CDH18: variants seen among roughly 807,000 people sequenced by gnomAD.
CDH18 encodes cadherin-18.
A neutral mutation model predicts 67.9 loss-of-function variants in CDH18; 31 were observed. The observed-to-expected ratio is 0.46, with a 90% CI of 0.34 to 0.62. CDH18 has a LOEUF of 0.62. Ranked by LOEUF, CDH18 falls within the 20% of genes least tolerant of loss-of-function variation. The probability of loss-of-function intolerance (pLI) is 0.01; values close to 1 mark genes in which losing one functional copy is unlikely to be tolerated. For missense variants in CDH18, 890 were observed against 975.5 expected (o/e 0.91, Z 1.17); for synonymous variants, 362 against 347.2 (o/e 1.04, Z -0.48).
chr5:20,559,561 T>C (rs565049799), intron 1 of CDH18, among the ~76,000 whole-genome samples: 1 of 152,234 alleles, frequency 6.6e-6, no homozygotes, highest in South Asian at 2.1e-4. Flanking sequence ...TCACGGGACT[T>C]AGTATGCGCT....
At chr5:20,144,054 T>G (rs2126536658) in intron 2 of CDH18, among the ~76,000 whole-genome samples, 1 of 152,266 alleles carries the variant, frequency 6.6e-6, no homozygotes, top group South Asian at 2.1e-4. Context: ...AAACGCTGCC[T>G]GCCTGGACTG....
chr5:20,396,712 T>C (rs1285282614), intron 1 of CDH18, among the ~76,000 whole-genome samples: 8 of 152,180 alleles, frequency 5.3e-5, no homozygotes, highest in Non-Finnish European at 1.0e-4. Context: ...TCTATTAAAA[T>C]CAAAACTGAA....
At chr5:19,587,936 G>A (rs754420381) in intron 7 of CDH18, among the ~76,000 whole-genome samples, 7 of 151,728 alleles carry the variant, frequency 4.6e-5, no homozygotes, top group South Asian at 2.1e-4. Context: ...AATTTTTTTC[G>A]TTTGTTTCTG....
intron 3 of CDH18, among the ~76,000 whole-genome samples, chr5:19,810,225 G>A (rs1278479525): frequency 6.6e-6 from 1 of 152,076 alleles, no homozygotes; most frequent in African/African-American, 2.4e-5. Context: ...AGCTACTCGG[G>A]AGGACTGAGG....
At chr5:19,718,326 C>A (rs1455191466) in intron 5 of CDH18, among the ~76,000 whole-genome samples, 3 of 151,916 alleles carry the variant, frequency 2.0e-5, no homozygotes, top group African/African-American at 7.2e-5. Context: ...TGCAGTCATA[C>A]TAATTAGGGG....
intron 2 of CDH18, among the ~76,000 whole-genome samples, chr5:20,206,962 T>C (rs1366543401): frequency 1.3e-5 from 2 of 152,018 alleles, no homozygotes; most frequent in African/African-American, 2.4e-5. Context: ...ATCTCTACTT[T>C]TATTCAATGT....
At chr5:20,267,081 G>T (rs1745098555) in intron 1 of CDH18, among the ~76,000 whole-genome samples, 1 of 152,162 alleles carries the variant, frequency 6.6e-6, no homozygotes, top group African/African-American at 2.4e-5. Context: ...AAATAAGGCA[G>T]TATTCATGGT....
intron 2 of CDH18, among the ~76,000 whole-genome samples, chr5:19,924,854 G>A (rs2150180130): frequency 6.6e-6 from 1 of 152,114 alleles, no homozygotes; most frequent in African/African-American, 2.4e-5. Flanking sequence ...AACTCTTTAG[G>A]TGGAATTAAG....
At chr5:19,672,004 T>C (rs962502348) in intron 5 of CDH18, among the ~76,000 whole-genome samples, 3 of 152,152 alleles carry the variant, frequency 2.0e-5, no homozygotes, top group African/African-American at 7.2e-5. Context: ...TATTATTTCA[T>C]GGTATAAACT....
At chr5:19,564,974 G>A (rs1471684934) in intron 8 of CDH18, among the ~76,000 whole-genome samples, 1 of 151,954 alleles carries the variant, frequency 6.6e-6, no homozygotes, top group Non-Finnish European at 1.5e-5. Flanking sequence ...GAAGAGGGAA[G>A]AGCGGGAAGA....
In CDH18 at chr5:19,849,743, C is replaced by CAT. The variant is rs70954613; in HGVS notation, c.-256-10503_-256-10502dup. Among the ~76,000 whole-genome samples, 4 of 54,204 alleles carry CAT rather than the reference C, an allele frequency of 7.4e-5. 1 individual carries two copies. Among genetic ancestry groups the CAT allele is most frequent in the East Asian group, 9.2e-4 (2 of 2,176 alleles). 35.6% of individuals were successfully genotyped at this position (54,204 alleles called of 152,430 possible). ...ATATATATACACGCATATATATAAA[C>CAT]ATATATATACACGCATATATATAAA... On this transcript the variant is annotated intron_variant, in intron 2 of 12. Coordinates refer to ENST00000382275, the MANE Select transcript of CDH18 (RefSeq NM_004934.5).
At chr5:19,542,340 G>A (rs1246376029) in intron 9 of CDH18, among the ~76,000 whole-genome samples, 1 of 152,154 alleles carries the variant, frequency 6.6e-6, no homozygotes, top group African/African-American at 2.4e-5. Context: ...GTAAAACAGT[G>A]CATCCACATT....
intron 8 of CDH18, among the ~76,000 whole-genome samples, chr5:19,552,149 C>A (rs143701889): frequency 0.055 from 8,296 of 152,114 alleles, 349 homozygotes; most frequent in Middle Eastern, 0.078. Flanking sequence ...TTTATAGATT[C>A]TTAATGTCAT....
chr5:19,510,808 T>C (rs1219914256), intron 10 of CDH18, among the ~76,000 whole-genome samples: 1 of 124,692 alleles, frequency 8.0e-6, no homozygotes, highest in Non-Finnish European at 1.7e-5. Flanking sequence ...TCTCAGGAGA[T>C]CTGATTTTTT....
intron 1 of CDH18, among the ~76,000 whole-genome samples, chr5:20,423,946 CAAAAAAAA>C (rs553723574): frequency 0.3 from 19,189 of 63,624 alleles, 1,206 homozygotes; most frequent in East Asian, 0.44. Context: ...GACTCCGTCT[CAAAAAAAA>C]AAAAAAAAAA....
chr5:20,074,635 T>C (rs1743765432), intron 2 of CDH18, among the ~76,000 whole-genome samples: 2 of 152,142 alleles, frequency 1.3e-5, no homozygotes, highest in African/African-American at 4.8e-5. Context: ...GATCATTACA[T>C]GCGTGTTTTC....
intron 2 of CDH18, among the ~76,000 whole-genome samples, chr5:19,997,374 T>A (rs1444354958): frequency 6.6e-6 from 1 of 152,096 alleles, no homozygotes; most frequent in Admixed American, 6.6e-5. Flanking sequence ...TTATACTCTC[T>A]CTTAAGATCC....
At chr5:20,393,381 G>C (rs189939354) in intron 1 of CDH18, among the ~76,000 whole-genome samples, 1 of 151,588 alleles carries the variant, frequency 6.6e-6, no homozygotes, top group Non-Finnish European at 1.5e-5. Flanking sequence ...TTAATGAAAG[G>C]GTTTTGTTGT....
chr5:20,471,977 A>AGCAC (rs1752123355), intron 1 of CDH18, among the ~76,000 whole-genome samples: 4 of 4 alleles, frequency 1, 2 homozygotes, highest in Non-Finnish European at 1. Flanking sequence ...TCTGCTCCAA[A>AGCAC]ATAAATTCAC....
Sources: gnomAD v4.1 joint callset for allele counts (sites outside exome capture counted in the v4.1 genomes callset) on GRCh38, gnomAD v4.1.1 for gene constraint, MANE v1.5 for transcripts, NCBI Gene and HGNC (gene_info 2026-07-23, HGNC 2026-07-21) for gene names.